The following FA2H variants were observed in gnomAD, a reference collection of about 807,000 sequenced individuals.
FA2H encodes the protein fatty acid alpha-hydroxylase.
In FA2H, 22 loss-of-function variants were observed where a neutral mutation model predicts 44.9. The observed-to-expected ratio is 0.49, with a 90% CI of 0.35 to 0.70. The LOEUF (loss-of-function observed/expected upper bound fraction) is 0.70, where lower values mean the gene tolerates loss of function less well. Ranked by LOEUF, FA2H falls within the 30% of genes least tolerant of loss-of-function variation. FA2H has a pLI of 0.01. For missense variants in FA2H, 501 were observed against 504.9 expected (o/e 0.99, Z 0.07); for synonymous variants, 243 against 213.2 (o/e 1.14, Z -1.22).
intron 2 of FA2H, among the ~76,000 whole-genome samples, chr16:74,731,203 G>A (rs1264760003): frequency 6.9e-6 from 1 of 145,396 alleles, no homozygotes; most frequent in East Asian, 2.0e-4. Flanking sequence ...TTGCCATCTC[G>A]GCTCATCGTA....
intron 1 of FA2H, among the ~76,000 whole-genome samples, chr16:74,746,968 G>A (rs908639780): frequency 2.0e-5 from 3 of 152,140 alleles, no homozygotes; most frequent in Non-Finnish European, 2.9e-5. Context: ...GAGCAGAAGT[G>A]GGGGTTGGAC....
chr16:74,769,040 TATC>T (rs1373148224), intron 1 of FA2H, among the ~76,000 whole-genome samples: 1 of 152,044 alleles, frequency 6.6e-6, no homozygotes, highest in Non-Finnish European at 1.5e-5. Flanking sequence ...CTCTGGCAGT[TATC>T]ATCGCTCTGG....
intron 1 of FA2H, among the ~76,000 whole-genome samples, chr16:74,741,806 ATATGTGTGTG>A (rs1962307911): frequency 3.3e-5 from 2 of 60,760 alleles, no homozygotes; most frequent in South Asian, 6.1e-4. Context: ...ATATATATAT[ATATGTGTGTG>A]TGTGTGTGTG....
chr16:74,725,240 T>C (rs1213272221), intron 4 of FA2H, among the ~76,000 whole-genome samples: 1 of 152,210 alleles, frequency 6.6e-6, no homozygotes, highest in African/African-American at 2.4e-5. Flanking sequence ...GCCGTGACCA[T>C]GGCCCCTCTC....
In FA2H at chr16:74,754,299, G is replaced by A. The variant is rs573789078; in HGVS notation, c.271-14184C>T. The stretch of plus-strand genomic sequence containing the variant: ...TAGTCCCAGCTATGTGGGAGGCTGA[G>A]GCAGGAGAACTACTTGAGCCTGGGA... On this transcript the variant is annotated intron_variant, in intron 1 of 6. Coordinates refer to ENST00000219368, the MANE Select transcript of FA2H (RefSeq NM_024306.5). Among the ~76,000 whole-genome samples, 103 of 152,300 alleles carry A rather than the reference G, an allele frequency of 6.8e-4. 3 individuals carry two copies. Among genetic ancestry groups the A allele is most frequent in the Admixed American group, 7.8e-4 (12 of 15,294 alleles).
At chr16:74,762,596 T>C (rs1391258592) in intron 1 of FA2H, among the ~76,000 whole-genome samples, 3 of 152,182 alleles carry the variant, frequency 2.0e-5, no homozygotes, top group Non-Finnish European at 2.9e-5. Flanking sequence ...AGTGGCACGA[T>C]CTTGGCTCAC....
intron 1 of FA2H, among the ~76,000 whole-genome samples, chr16:74,768,927 A>G (rs1054919834): frequency 2.6e-5 from 4 of 151,784 alleles, no homozygotes; most frequent in Non-Finnish European, 5.9e-5. Context: ...CCTTCTCCCT[A>G]AAGTCTTCTC....
At chr16:74,771,491 C>A (rs184978227) in intron 1 of FA2H, among the ~76,000 whole-genome samples, 1 of 152,120 alleles carries the variant, frequency 6.6e-6, no homozygotes. Context: ...TGCACAACCA[C>A]ACCCGGCTAA....
intron 1 of FA2H, among the ~76,000 whole-genome samples, chr16:74,760,173 C>T (rs142331154): frequency 9.8e-5 from 15 of 152,304 alleles, no homozygotes; most frequent in Non-Finnish European, 1.5e-4. Flanking sequence ...ACACCCACTA[C>T]GCTGCCGCTG....
chr16:74,770,732 G>A (rs2144668342), intron 1 of FA2H, among the ~76,000 whole-genome samples: 1 of 152,384 alleles, frequency 6.6e-6, no homozygotes, highest in East Asian at 1.9e-4. Flanking sequence ...TCTGAAGGCA[G>A]AAGCTGGCAG....
At chr16:74,752,333 AG>A (rs2144649571) in intron 1 of FA2H, among the ~76,000 whole-genome samples, 1 of 152,172 alleles carries the variant, frequency 6.6e-6, no homozygotes, top group South Asian at 2.1e-4. Context: ...CTTGGTTCTC[AG>A]CATAAAATCT....
At chr16:74,767,210 G>A (rs905296082) in intron 1 of FA2H, among the ~76,000 whole-genome samples, 6 of 152,132 alleles carry the variant, frequency 3.9e-5, no homozygotes, top group South Asian at 2.1e-4. Context: ...TTGGGAGGCC[G>A]AGGCAGGAGA....
intron 1 of FA2H, among the ~76,000 whole-genome samples, chr16:74,749,347 C>A (rs1053407907): frequency 2.0e-5 from 3 of 152,068 alleles, no homozygotes; most frequent in Non-Finnish European, 4.4e-5. Context: ...GCCTCAGAAC[C>A]CCCGAAGCCC....
At chr16:74,728,492 G>C (rs1962002056) in intron 2 of FA2H, among the ~76,000 whole-genome samples, 1 of 152,142 alleles carries the variant, frequency 6.6e-6, no homozygotes, top group Admixed American at 6.6e-5. Flanking sequence ...GGATGACAGG[G>C]AGTGTGGGCA....
intron 1 of FA2H, 93 bp downstream of exon 1, chr16:74,774,393 G>T: frequency 7.9e-7 from 1 of 1,263,516 alleles, no homozygotes; most frequent in Non-Finnish European, 1.0e-6. Context: ...TGTCACCTTG[G>T]GTCCTGCTAG....
intron 2 of FA2H, among the ~76,000 whole-genome samples, chr16:74,736,994 A>G (rs1962195474): frequency 6.6e-6 from 1 of 152,198 alleles, no homozygotes; most frequent in East Asian, 1.9e-4. Flanking sequence ...GCAGATAACC[A>G]ATAATACATT....
chr16:74,745,341 G>A (rs987721157), intron 1 of FA2H, among the ~76,000 whole-genome samples: 1 of 152,246 alleles, frequency 6.6e-6, no homozygotes, highest in Non-Finnish European at 1.5e-5. Context: ...GCTTGGCCCT[G>A]CCAATACTTG....
intron 1 of FA2H, among the ~76,000 whole-genome samples, chr16:74,769,929 T>C (rs1176752668): frequency 1.3e-5 from 2 of 152,206 alleles, no homozygotes; most frequent in East Asian, 1.9e-4. Flanking sequence ...TCAAACAAGT[T>C]GGACTTGTTT....
chr16:74,740,076 G>C lies in FA2H; in HGVS notation c.310C>G (p.Gln104Glu), dbSNP rs1962260948. 1 of 1,613,932 alleles carries C rather than the reference G, an allele frequency of 6.2e-7. No individual in the cohort carries two copies. Among genetic ancestry groups the C allele is most frequent in the South Asian group, 1.1e-5 (1 of 91,076 alleles). ...GGTTCCATAGCAGGATCTGTCTTCTGAGTTTCCTCAAGGGCTACAGGCTCG... is the reference window on the plus strand; with the variant it reads ...GGTTCCATAGCAGGATCTGTCTTCTCAGTTTCCTCAAGGGCTACAGGCTCG... ...ENEPVALEET[Q>E]KTDPAMEPRF... is the part of the protein sequence containing the mutation. Residue 104 changes from glutamine (Q) to glutamate (E), a missense_variant, in exon 2 of 7, where the codon CAG becomes GAG. By Grantham distance (29) the Gln-to-Glu change is conservative (BLOSUM62 2). Coordinates refer to ENST00000219368, the MANE Select transcript of FA2H (RefSeq NM_024306.5).
Sources: gnomAD v4.1 joint callset for allele counts (sites outside exome capture counted in the v4.1 genomes callset) on GRCh38, gnomAD v4.1.1 for gene constraint, MANE v1.5 for transcripts, NCBI Gene and HGNC (gene_info 2026-07-23, HGNC 2026-07-21) for gene names.